GRIN2B: variants seen among roughly 807,000 people sequenced by gnomAD.
GRIN2B encodes the protein glutamate ionotropic receptor NMDA type subunit 2B, also known as glutamate receptor ionotropic, NMDA 2B.
Under a neutral mutation model 114.5 loss-of-function variants are expected in GRIN2B, and 5 were observed. That is an observed-to-expected ratio of 0.04 (90% confidence interval 0.02 to 0.09). The LOEUF (loss-of-function observed/expected upper bound fraction) is 0.09, where lower values mean the gene tolerates loss of function less well. Ranked by LOEUF, GRIN2B falls within the 10% of genes least tolerant of loss-of-function variation. The probability of loss-of-function intolerance (pLI) is 1.00; values close to 1 mark genes in which losing one functional copy is unlikely to be tolerated. For synonymous variants in GRIN2B, 787 were observed against 745.1 expected (o/e 1.06, Z -0.92); for missense variants, 1,108 against 1,943.5 (o/e 0.57, Z 8.08).
chr12:13,704,568 G>C (rs569210673), intron 4 of GRIN2B, among the ~76,000 whole-genome samples: 2 of 152,138 alleles, frequency 1.3e-5, no homozygotes, highest in South Asian at 4.2e-4. Flanking sequence ...ATCTCTAGGA[G>C]ACACCCACAT....
At chr12:13,589,095 A>G (rs927077837) in intron 10 of GRIN2B, among the ~76,000 whole-genome samples, 5 of 152,204 alleles carry the variant, frequency 3.3e-5, no homozygotes, top group African/African-American at 1.2e-4. Flanking sequence ...TTTACCTGAA[A>G]TTCACATTTA....
chr12:13,632,818 A>G (rs1342993765), intron 5 of GRIN2B, among the ~76,000 whole-genome samples: 1 of 152,240 alleles, frequency 6.6e-6, no homozygotes, highest in African/African-American at 2.4e-5. Flanking sequence ...ACCAGTGTAT[A>G]TATTAGAATC....
chr12:13,667,876 T>C (rs543532662), intron 5 of GRIN2B, among the ~76,000 whole-genome samples: 2 of 152,224 alleles, frequency 1.3e-5, no homozygotes, highest in Non-Finnish European at 1.5e-5. Flanking sequence ...TTCAAATGTC[T>C]TTAATAAACA....
chr12:13,698,963 G>T (rs532198052), intron 4 of GRIN2B, among the ~76,000 whole-genome samples: 1 of 152,118 alleles, frequency 6.6e-6, no homozygotes, highest in South Asian at 2.1e-4. Flanking sequence ...CATTACAGGC[G>T]TGAGCCACCG....
intron 4 of GRIN2B, among the ~76,000 whole-genome samples, chr12:13,692,768 T>TTTTTTTTTTTTTTC (rs1950225923): frequency 8.4e-6 from 1 of 118,394 alleles, no homozygotes; most frequent in Admixed American, 8.5e-5. Flanking sequence ...TTCTTTTTTT[T>TTTTTTTTTTTTTTC]TTTTTTTTTT....
intron 3 of GRIN2B, among the ~76,000 whole-genome samples, chr12:13,850,730 A>G (rs1865547179): frequency 6.6e-6 from 1 of 152,166 alleles, no homozygotes; most frequent in African/African-American, 2.4e-5. Context: ...TATTACTCCA[A>G]GGCTAAATGC....
chr12:13,876,213 G>A (rs1013813826), intron 2 of GRIN2B, among the ~76,000 whole-genome samples: 5 of 152,160 alleles, frequency 3.3e-5, no homozygotes, highest in African/African-American at 1.2e-4. Flanking sequence ...TTGGGCGGGG[G>A]AAGGAAGAGA....
chr12:13,786,101 C>G (rs1864217326), intron 3 of GRIN2B, among the ~76,000 whole-genome samples: 1 of 152,152 alleles, frequency 6.6e-6, no homozygotes, highest in South Asian at 2.1e-4. Flanking sequence ...TGACTGGTCT[C>G]TCCAGTAAAG....
chr12:13,770,099 G>A (rs995378673), intron 3 of GRIN2B, among the ~76,000 whole-genome samples: 1 of 152,190 alleles, frequency 6.6e-6, no homozygotes, highest in South Asian at 2.1e-4. Flanking sequence ...GCTCTCTCAA[G>A]TACCTTATCA....
intron 4 of GRIN2B, among the ~76,000 whole-genome samples, chr12:13,717,066 C>CGTGT (rs56360153): frequency 0.035 from 5,150 of 145,944 alleles, 121 homozygotes; most frequent in Middle Eastern, 0.084. Context: ...ATGCCATACG[C>CGTGT]GTGTGTGTGT....
intron 3 of GRIN2B, among the ~76,000 whole-genome samples, chr12:13,819,938 C>T (rs1864901387): frequency 1.3e-5 from 2 of 152,226 alleles, no homozygotes; most frequent in South Asian, 2.1e-4. Flanking sequence ...CCTAAACTTC[C>T]TGCACTGGGG....
At chr12:13,766,100 C>T (rs1327794025) in intron 3 of GRIN2B, among the ~76,000 whole-genome samples, 1 of 152,210 alleles carries the variant, frequency 6.6e-6, no homozygotes, top group Non-Finnish European at 1.5e-5. Context: ...TGTTCTTCTA[C>T]TGGACATGCA....
At chr12:13,798,846 G>C (rs906367524) in intron 3 of GRIN2B, among the ~76,000 whole-genome samples, 1 of 152,204 alleles carries the variant, frequency 6.6e-6, no homozygotes, top group Non-Finnish European at 1.5e-5. Context: ...CTGTTCTGAA[G>C]GGTCTGTCAT....
At chr12:13,798,943 C>T (rs1166770791) in intron 3 of GRIN2B, among the ~76,000 whole-genome samples, 2 of 152,236 alleles carry the variant, frequency 1.3e-5, no homozygotes, top group African/African-American at 4.8e-5. Flanking sequence ...ACATTTCCCA[C>T]AACCACTAGT....
intron 4 of GRIN2B, among the ~76,000 whole-genome samples, chr12:13,681,534 T>C (rs1200150105): frequency 7.1e-6 from 1 of 140,676 alleles, no homozygotes; most frequent in Non-Finnish European, 1.5e-5. Context: ...AAGCTGTAAC[T>C]CTGTAACTTT....
intron 2 of GRIN2B, among the ~76,000 whole-genome samples, chr12:13,908,899 C>G (rs1866586811): frequency 6.6e-6 from 1 of 152,172 alleles, no homozygotes; most frequent in Non-Finnish European, 1.5e-5. Context: ...ACACGAAGCA[C>G]ACTGCTGCAC....
chr12:13,882,311 G>A (rs1437276676), intron 2 of GRIN2B, among the ~76,000 whole-genome samples: 1 of 152,134 alleles, frequency 6.6e-6, no homozygotes, highest in Non-Finnish European at 1.5e-5. Context: ...TGAAGTGCTC[G>A]GAAGCTCTCT....
At chr12:13,791,823 C>G (rs1431938846) in intron 3 of GRIN2B, among the ~76,000 whole-genome samples, 2 of 152,114 alleles carry the variant, frequency 1.3e-5, no homozygotes, top group Admixed American at 1.3e-4. Context: ...TTGAATTATT[C>G]TCTTGTAGTT....
chr12:13,756,937 A>T (rs1863586281), intron 3 of GRIN2B, among the ~76,000 whole-genome samples: 2 of 152,178 alleles, frequency 1.3e-5, no homozygotes, highest in South Asian at 4.1e-4. Flanking sequence ...TTGTAAAGAC[A>T]CTGCTAGCTA....
Sources: gnomAD v4.1 joint callset for allele counts (sites outside exome capture counted in the v4.1 genomes callset) on GRCh38, gnomAD v4.1.1 for gene constraint, MANE v1.5 for transcripts, NCBI Gene and HGNC (gene_info 2026-07-23, HGNC 2026-07-21) for gene names.